The following PDE3B variants were observed in gnomAD, a reference collection of about 807,000 sequenced individuals.
The protein encoded by PDE3B is phosphodiesterase 3B, also known as cGMP-inhibited 3',5'-cyclic phosphodiesterase 3B.
In PDE3B, 66 loss-of-function variants were observed where a neutral mutation model predicts 116.8. That is an observed-to-expected ratio of 0.56 (90% CI 0.46 to 0.69). PDE3B has a LOEUF of 0.69. Among genes scored for constraint, PDE3B ranks in the 30% least tolerant of loss-of-function variants. The pLI is 0.00. For synonymous variants in PDE3B, 595 were observed against 533.6 expected (o/e 1.12, Z -1.59); for missense variants, 1,384 against 1,368.1 (o/e 1.01, Z -0.18).
chr11:14,710,093 A>G lies in PDE3B; in HGVS notation c.979-61844A>G, dbSNP rs148054047. On this transcript the variant is annotated intron_variant, in intron 1 of 15. Coordinates refer to ENST00000282096, the MANE Select transcript of PDE3B (RefSeq NM_000922.4). ...TTATAGAAGAGATGAATGAGCATAC[A>G]TACACCCTGGAGTTAGTCCAAGTTT... 4.5e-3 allele frequency among the ~76,000 whole-genome samples: 686 copies of G among 152,298 alleles called. 7 individuals are homozygous for G. Among genetic ancestry groups the G allele is most frequent in the African/African-American group, 0.016 (667 of 41,558 alleles).
At chr11:14,881,314 A>G in the PDE3B span, among the ~76,000 whole-genome samples, 1 of 152,090 alleles carries the variant, frequency 6.6e-6, no homozygotes, top group African/African-American at 2.4e-5. Flanking sequence ...GCTGAAGTCA[A>G]AAAAAGGGCA....
At chr11:14,655,034 G>C (rs968243044) in intron 1 of PDE3B, among the ~76,000 whole-genome samples, 23 of 151,986 alleles carry the variant, frequency 1.5e-4, no homozygotes, top group Admixed American at 1.5e-3. Context: ...ATACTACCAC[G>C]AATCACAATA....
chr11:14,718,494 A>C (rs926724410), intron 1 of PDE3B, among the ~76,000 whole-genome samples: 3 of 148,850 alleles, frequency 2.0e-5, no homozygotes, highest in Non-Finnish European at 4.5e-5. Context: ...CACCACACCT[A>C]TTCCAAAATT....
At chr11:14,879,783 G>A in the PDE3B span, among the ~76,000 whole-genome samples, 6 of 152,102 alleles carry the variant, frequency 3.9e-5, no homozygotes, top group African/African-American at 1.2e-4. Context: ...AAAGACATAA[G>A]TAATAAGAAT....
chr11:14,700,007 G>T (rs757661026), intron 1 of PDE3B, among the ~76,000 whole-genome samples: 1 of 151,574 alleles, frequency 6.6e-6, no homozygotes, highest in African/African-American at 2.4e-5. Context: ...ATATGGCTCC[G>T]ACAGTAGAGA....
At chr11:14,835,910 T>A (rs992570143) in intron 11 of PDE3B, among the ~76,000 whole-genome samples, 2 of 152,248 alleles carry the variant, frequency 1.3e-5, no homozygotes, top group African/African-American at 2.4e-5. Flanking sequence ...CAGTGAGCCA[T>A]GATTATGTCA....
intron 7 of PDE3B, among the ~76,000 whole-genome samples, chr11:14,825,411 A>G (rs186633511): frequency 5.9e-5 from 9 of 152,348 alleles, no homozygotes; most frequent in Admixed American, 3.3e-4. Flanking sequence ...ACAGGCAGCA[A>G]CACCCATAGG....
At chr11:14,695,938 A>G (rs1315310379) in intron 1 of PDE3B, among the ~76,000 whole-genome samples, 1 of 152,128 alleles carries the variant, frequency 6.6e-6, no homozygotes, top group African/African-American at 2.4e-5. Context: ...GGTTGATTCC[A>G]TGTCTTTGCT....
At chr11:14,845,630 A>G (rs1009484465) in intron 12 of PDE3B, among the ~76,000 whole-genome samples, 2 of 152,230 alleles carry the variant, frequency 1.3e-5, no homozygotes, top group Non-Finnish European at 2.9e-5. Flanking sequence ...TAACCAATAC[A>G]GAGAAGTGCT....
chr11:14,669,051 G>A (rs1452162797), intron 1 of PDE3B, among the ~76,000 whole-genome samples: 1 of 152,184 alleles, frequency 6.6e-6, no homozygotes, highest in African/African-American at 2.4e-5. Context: ...TTATAAAAGA[G>A]TGGGAAGTGT....
chr11:14,818,547 G>T (rs1387182076), intron 6 of PDE3B, among the ~76,000 whole-genome samples, 154 bp downstream of exon 6: 2 of 152,032 alleles, frequency 1.3e-5, no homozygotes, highest in Non-Finnish European at 1.5e-5. Context: ...TTTAAGATGT[G>T]CTATAAGTTG....
chr11:14,721,939 AAAG>A (rs1342672776), intron 1 of PDE3B, among the ~76,000 whole-genome samples: 1 of 145,406 alleles, frequency 6.9e-6, no homozygotes, highest in African/African-American at 2.5e-5. Context: ...AAAAAAAAAA[AAAG>A]AAAATGTGGC....
chr11:14,750,752 T>G (rs1400269393), intron 1 of PDE3B, among the ~76,000 whole-genome samples: 1 of 152,194 alleles, frequency 6.6e-6, no homozygotes, highest in Non-Finnish European at 1.5e-5. Context: ...GAACCTTTGG[T>G]CTATACTTTT....
chr11:14,835,632 A>G (rs75442451), intron 11 of PDE3B, among the ~76,000 whole-genome samples: 6 of 152,192 alleles, frequency 3.9e-5, no homozygotes, highest in East Asian at 1.9e-4. Context: ...TATAAATACA[A>G]TGAATCATAA....
intron 4 of PDE3B, among the ~76,000 whole-genome samples, chr11:14,798,065 G>C (rs897889206): frequency 6.6e-6 from 1 of 152,116 alleles, no homozygotes; most frequent in Non-Finnish European, 1.5e-5. Flanking sequence ...TTGCTTATTG[G>C]TTTGTCATAA....
At chr11:14,867,091 T>A (rs1590204507) in intron 14 of PDE3B, among the ~76,000 whole-genome samples, 2 of 150,190 alleles carry the variant, frequency 1.3e-5, no homozygotes, top group Admixed American at 1.3e-4. Flanking sequence ...GGGGTGGAGG[T>A]AGTGTTATTG....
At chr11:14,828,369 CAGAGT>C (rs1859768195) in intron 7 of PDE3B, among the ~76,000 whole-genome samples, 1 of 152,144 alleles carries the variant, frequency 6.6e-6, no homozygotes, top group African/African-American at 2.4e-5. Flanking sequence ...AAACTATCAG[CAGAGT>C]AAACAGACAA....
chr11:14,676,700 A>G (rs11023304), intron 1 of PDE3B, among the ~76,000 whole-genome samples: 23,219 of 152,156 alleles, frequency 0.15, 2,772 homozygotes, highest in African/African-American at 0.33. Flanking sequence ...CTGAAAGTTC[A>G]TTATGTGGCA....
chr11:14,786,550 G>A lies in PDE3B; in HGVS notation c.1143G>A (p.Arg381=), dbSNP rs1462453266. 6.2e-7 allele frequency: 1 copy of A among 1,613,290 alleles called. No homozygotes were observed. Among genetic ancestry groups the A allele is most frequent in the East Asian group, 2.2e-5 (1 of 44,858 alleles). ...CACCACAAGTCATTTCCTCTCTACG[G>A]AGTATTAGTAGCTTAATGGGTGCTT... ...SLPPQVISSL[R]SISSLMGAFS... is the part of the protein sequence containing the mutation. Residue 381 remains arginine (R), a synonymous_variant, in exon 3 of 16, where the codon CGG becomes CGA. Transcript: ENST00000282096.
Sources: allele counts gnomAD v4.1 joint callset (sites outside exome capture counted in the v4.1 genomes callset), GRCh38; gene constraint gnomAD v4.1.1; transcripts MANE v1.5; gene names NCBI Gene and HGNC (gene_info 2026-07-23, HGNC 2026-07-21).